The following LARGE1 variants were observed in gnomAD, a reference collection of about 807,000 sequenced individuals.
LARGE1 encodes the protein LARGE xylosyl- and glucuronyltransferase 1.
A neutral mutation model predicts 87.6 loss-of-function variants in LARGE1; 43 were observed. The ratio of observed to expected loss-of-function variants is 0.49; its 90% confidence interval spans 0.38 to 0.63. The LOEUF (loss-of-function observed/expected upper bound fraction) is 0.63, where lower values mean the gene tolerates loss of function less well. Ranked by LOEUF, LARGE1 falls within the 30% of genes least tolerant of loss-of-function variation. LARGE1 has a pLI of 0.00. For synonymous variants in LARGE1, 434 were observed against 394.6 expected (o/e 1.10, Z -1.18); for missense variants, 802 against 1,000.2 (o/e 0.80, Z 2.67).
intron 9 of LARGE1, among the ~76,000 whole-genome samples, chr22:33,347,425 A>G (rs1221235555): frequency 6.6e-6 from 1 of 152,232 alleles, no homozygotes. Context: ...GACATTCTCA[A>G]TAATCCTCAC....
intron 1 of LARGE1, among the ~76,000 whole-genome samples, chr22:33,769,370 G>T (rs565682589): frequency 1.3e-5 from 2 of 152,242 alleles, no homozygotes; most frequent in Admixed American, 6.5e-5. Flanking sequence ...TTCCTTTACG[G>T]TCTATCTCCC....
At chr22:33,741,281 G>A (rs1051028999) in intron 2 of LARGE1, among the ~76,000 whole-genome samples, 3 of 152,078 alleles carry the variant, frequency 2.0e-5, no homozygotes, top group Non-Finnish European at 4.4e-5. Context: ...AAGCTCCCTT[G>A]GGTAGGTTAA....
chr22:33,527,692 C>T (rs1203970284), intron 6 of LARGE1, among the ~76,000 whole-genome samples: 1 of 152,120 alleles, frequency 6.6e-6, no homozygotes, highest in East Asian at 1.9e-4. Flanking sequence ...ATGTGGAACC[C>T]ATTAAAGGAA....
Position 33,787,273 on chromosome 22 carries a change from C to A in LARGE1, c.-82-25715G>T, listed in dbSNP as rs201058241. Among the ~76,000 whole-genome samples the A allele has an allele frequency of 2.6e-5, 4 of 152,040 alleles. No homozygotes were observed. The East Asian group carries it at 7.7e-4, about 29-fold the overall frequency. On this transcript the variant is annotated intron_variant, in intron 1 of 14. Transcript: ENST00000397394. Reference sequence around the variant, plus strand: ...GGCAAGTTTTACAGAATATGGGGCACTAGTTAGACTGGTGACCTTATTCTC... The same window carrying A: ...GGCAAGTTTTACAGAATATGGGGCAATAGTTAGACTGGTGACCTTATTCTC...
chr22:33,696,062 C>G (rs2082235564), intron 2 of LARGE1, among the ~76,000 whole-genome samples: 1 of 152,236 alleles, frequency 6.6e-6, no homozygotes, highest in East Asian at 1.9e-4. Context: ...TATTGCTAAT[C>G]TGTTTTTACT....
intron 9 of LARGE1, among the ~76,000 whole-genome samples, chr22:33,339,154 T>TAAAAAAAA (rs1182760420): frequency 1.0e-5 from 1 of 98,970 alleles, no homozygotes; most frequent in African/African-American, 3.4e-5. Context: ...TCTCAAAAAA[T>TAAAAAAAA]AAAAAAAAAA....
chr22:33,801,543 G>A (rs1229442334), intron 1 of LARGE1, among the ~76,000 whole-genome samples: 18 of 152,000 alleles, frequency 1.2e-4, no homozygotes, highest in Admixed American at 1.2e-3. Context: ...TTTTCTAATT[G>A]GATTGTTTGG....
intron 1 of LARGE1, among the ~76,000 whole-genome samples, chr22:33,829,693 C>G (rs193101135): frequency 3.5e-4 from 54 of 152,356 alleles, no homozygotes; most frequent in Non-Finnish European, 4.9e-4. Flanking sequence ...TGCACCTGCA[C>G]TGCAATCAGA....
intron 1 of LARGE1, among the ~76,000 whole-genome samples, chr22:33,799,894 C>A (rs1223279857): frequency 6.6e-6 from 1 of 152,172 alleles, no homozygotes; most frequent in African/African-American, 2.4e-5. Context: ...GAGCTAGGAT[C>A]TGAAGTAGGA....
chr22:33,258,781 T>C (rs1927453932), intron 11 of LARGE1, among the ~76,000 whole-genome samples: 1 of 152,082 alleles, frequency 6.6e-6, no homozygotes, highest in Non-Finnish European at 1.5e-5. Flanking sequence ...TTCCTTTACC[T>C]CTCTTGGGGT....
At chr22:33,603,233 G>T (rs1453564905) in intron 5 of LARGE1, among the ~76,000 whole-genome samples, 1 of 152,162 alleles carries the variant, frequency 6.6e-6, no homozygotes, top group African/African-American at 2.4e-5. Context: ...GCTCTAAAAT[G>T]AAAAGATAAT....
chr22:33,144,909 C>T, the LARGE1 span, among the ~76,000 whole-genome samples: 1 of 151,984 alleles, frequency 6.6e-6, no homozygotes, highest in Non-Finnish European at 1.5e-5. Context: ...TGCAAGTCCC[C>T]AAGAAACAAC....
At chr22:33,591,788 G>A (rs1247506435) in intron 5 of LARGE1, among the ~76,000 whole-genome samples, 1 of 147,904 alleles carries the variant, frequency 6.8e-6, no homozygotes, top group African/African-American at 2.5e-5. Flanking sequence ...TAGCAGGACT[G>A]CTTGGGCCAG....
chr22:33,538,984 A>T (rs2077114162), intron 6 of LARGE1, among the ~76,000 whole-genome samples: 1 of 152,262 alleles, frequency 6.6e-6, no homozygotes, highest in Non-Finnish European at 1.5e-5. Flanking sequence ...CATTTTAAAA[A>T]TTAAAATACA....
intron 1 of LARGE1, among the ~76,000 whole-genome samples, chr22:33,816,689 TAGACAGACAGACAGACAGAC>T (rs1226644906): frequency 7.6e-6 from 1 of 132,362 alleles, no homozygotes; most frequent in African/African-American, 2.7e-5. Flanking sequence ...GATAGATAGA[TAGACAGACAGACAGACAGAC>T]AGACAGACAG....
intron 2 of LARGE1, among the ~76,000 whole-genome samples, chr22:33,742,181 T>C (rs2083909344): frequency 6.6e-6 from 1 of 152,150 alleles, no homozygotes; most frequent in African/African-American, 2.4e-5. Flanking sequence ...GGAGTGACTT[T>C]GGGAAAGTCA....
chr22:33,650,515 T>C lies in LARGE1; in HGVS notation c.260A>G (p.Gln87Arg), dbSNP rs751349671. ...RALRRQLSLA[Q>R]GRAPSHRRGN... is the part of the protein sequence containing the mutation. ...TCGGCGATGGGATGGGGCTCGGCCC[T>C]GGGCCAGGCTGAGCTGCCTGCGGAG... Residue 87 changes from glutamine (Q) to arginine (R), a missense_variant, in exon 3 of 15, where the codon CAG becomes CGG. Transcript: ENST00000397394. 4 of 1,612,856 alleles carry C rather than the reference T, an allele frequency of 2.5e-6. No individual in the cohort carries two copies. Among genetic ancestry groups the C allele is most frequent in the Non-Finnish European group, 3.4e-6 (4 of 1,180,016 alleles).
chr22:33,711,799 A>G (rs2082737713), intron 2 of LARGE1, among the ~76,000 whole-genome samples: 1 of 152,134 alleles, frequency 6.6e-6, no homozygotes, highest in African/African-American at 2.4e-5. Context: ...AGTGAGCACC[A>G]CTATGCTTGG....
chr22:33,472,295 A>G (rs2068875863), intron 6 of LARGE1, among the ~76,000 whole-genome samples: 1 of 152,228 alleles, frequency 6.6e-6, no homozygotes, highest in Admixed American at 6.5e-5. Flanking sequence ...GAAAATGTCA[A>G]CAGTTTGTAC....
Sources: allele counts gnomAD v4.1 joint callset (sites outside exome capture counted in the v4.1 genomes callset), GRCh38; gene constraint gnomAD v4.1.1; transcripts MANE v1.5; gene names NCBI Gene and HGNC (gene_info 2026-07-23, HGNC 2026-07-21).